Variants in ARSG observed in about 807,000 individuals in gnomAD.
ARSG encodes arylsulfatase G.
ARSG carries 37 observed loss-of-function variants against 50.5 expected under a neutral mutation model. The observed-to-expected ratio is 0.73, with a 90% CI of 0.56 to 0.96. The LOEUF is 0.96. ARSG is among the 50% of genes least tolerant of loss of function. The probability of loss-of-function intolerance (pLI) is 0.00; values close to 1 mark genes in which losing one functional copy is unlikely to be tolerated. For synonymous variants in ARSG, 225 were observed against 254.6 expected, an observed-to-expected ratio of 0.88 and a Z score of 1.11; for missense variants, 629 against 675.3, an observed-to-expected ratio of 0.93 and a Z score of 0.76.
intron 2 of ARSG, among the ~76,000 whole-genome samples, chr17:68,341,602 C>T (rs1370575520): frequency 9.9e-5 from 15 of 152,208 alleles, no homozygotes; most frequent in Admixed American, 9.8e-4. Context: ...CTAGAGCATT[C>T]TTTATCTCCA....
In ARSG at chr17:68,410,654, G is replaced by A. The variant is rs567113998; in HGVS notation, c.1303+9204G>A. ...TGGCCTCAAAAAATAAGTTAGGGAG[G>A]ATTCCCTCTTTTTCTATTGATTGGA... On this transcript the variant is annotated intron_variant, in intron 11 of 11. Coordinates refer to ENST00000621439, the MANE Select transcript of ARSG (RefSeq NM_001267727.2). Among the ~76,000 whole-genome samples, 82 of 152,338 alleles carry A rather than the reference G, an allele frequency of 5.4e-4. 1 individual carries two copies. Among genetic ancestry groups the A allele is most frequent in the Non-Finnish European group, 1.0e-3 (69 of 68,036 alleles).
chr17:68,296,504 A>G (rs1417669208), intron 1 of ARSG, among the ~76,000 whole-genome samples: 1 of 152,140 alleles, frequency 6.6e-6, no homozygotes, highest in African/African-American at 2.4e-5. Flanking sequence ...AGAAACTACA[A>G]GGATGCTGCA....
rs142612995 is a variant in ARSG at position 68,327,732 on chromosome 17, C to T, written c.219-15872C>T. 2.0e-3 allele frequency among the ~76,000 whole-genome samples: 309 copies of T among 152,200 alleles called. 3 individuals are homozygous for T. The highest frequency in any genetic ancestry group is 6.9e-3 in the African/African-American group (288 of 41,510). Reference sequence around the variant, plus strand: ...GACTTCAACATATCTTTTGGGGGGACGCAGCCCAACCCACAGCAAGCAGCC... The same window carrying T: ...GACTTCAACATATCTTTTGGGGGGATGCAGCCCAACCCACAGCAAGCAGCC... On this transcript the variant is annotated intron_variant, in intron 2 of 11. Coordinates refer to ENST00000621439, the MANE Select transcript of ARSG (RefSeq NM_001267727.2).
intron 2 of ARSG, among the ~76,000 whole-genome samples, chr17:68,313,683 CTT>C (rs58911609): frequency 3.1e-5 from 4 of 128,214 alleles, no homozygotes; most frequent in East Asian, 2.2e-4. Context: ...CTCTCTCTCT[CTT>C]TTTTTTTTTT....
the ARSG span, chr17:68,430,111 T>C: frequency 1.9e-6 from 3 of 1,613,974 alleles, no homozygotes; most frequent in African/African-American, 2.7e-5. Context: ...GTAGCAGCCA[T>C]AAACATCTTT....
the ARSG span, among the ~76,000 whole-genome samples, chr17:68,437,948 TAAAA>T: frequency 2.5e-5 from 2 of 78,806 alleles, no homozygotes; most frequent in African/African-American, 4.8e-5. Context: ...ACATCTCTCT[TAAAA>T]AAAAAAAAAA....
chr17:68,352,763 G>A (rs2078858840), intron 5 of ARSG, among the ~76,000 whole-genome samples: 1 of 152,072 alleles, frequency 6.6e-6, no homozygotes, highest in South Asian at 2.1e-4. Context: ...GCCCACTTCG[G>A]CCTCCCAAAG....
intron 1 of ARSG, among the ~76,000 whole-genome samples, chr17:68,292,098 C>A (rs1210394489): frequency 2.0e-5 from 3 of 151,878 alleles, no homozygotes; most frequent in African/African-American, 7.3e-5. Context: ...CCCCAGGGAG[C>A]GAGCGGCCGG....
intron 6 of ARSG, chr17:68,359,932 G>A (rs1217271180): frequency 1.3e-5 from 2 of 152,330 alleles, no homozygotes; most frequent in South Asian, 2.1e-4. Context: ...CCAGCTCCCT[G>A]GAACTTTGGG....
chr17:68,336,021 C>T (rs1251182436), intron 2 of ARSG, among the ~76,000 whole-genome samples: 3 of 152,072 alleles, frequency 2.0e-5, no homozygotes, highest in Non-Finnish European at 2.9e-5. Context: ...GCCTCAGCCT[C>T]CCAAGTAGCT....
At chr17:68,404,854 T>A (rs1176774801) in intron 11 of ARSG, among the ~76,000 whole-genome samples, 3 of 152,232 alleles carry the variant, frequency 2.0e-5, no homozygotes, top group Non-Finnish European at 4.4e-5. Context: ...TCCAGTTAAT[T>A]TTTGTATGTG....
At chr17:68,418,228 G>C (rs1050728135) in intron 11 of ARSG, among the ~76,000 whole-genome samples, 1 of 152,056 alleles carries the variant, frequency 6.6e-6, no homozygotes, top group Non-Finnish European at 1.5e-5. Context: ...TGTTTTCACT[G>C]GCAGCTAATC....
chr17:68,319,296 G>A (rs1406454517), intron 2 of ARSG, among the ~76,000 whole-genome samples: 2 of 152,172 alleles, frequency 1.3e-5, no homozygotes, highest in Non-Finnish European at 2.9e-5. Flanking sequence ...AGCTTTGGGA[G>A]GTCCCATCCT....
At position 68,420,237 on chromosome 17, in the gene ARSG, AG is replaced by A. The variant is rs748235714; in HGVS notation, c.1353del (p.Lys451AsnfsTer4). 9.9e-6 allele frequency: 16 copies of A among 1,614,078 alleles called. No individual in the cohort carries two copies. The highest frequency in any genetic ancestry group is 1.3e-5 in the Non-Finnish European group (15 of 1,180,000). On this transcript the variant is annotated frameshift_variant, in exon 12 of 12. Coordinates refer to ENST00000621439, the MANE Select transcript of ARSG (RefSeq NM_001267727.2). LOFTEE classifies it low-confidence loss of function (END_TRUNC). ...AGCACGGGGCCTGAGCTGCAGCATA[AG>A]TTTCCTCTGATTTTCAACCTGGAAG... The part of the protein sequence containing the change: ...DGSTGPELQH[K>X]FPLIFNLEDD...
At chr17:68,356,073 G>A (rs1311080690) in intron 5 of ARSG, among the ~76,000 whole-genome samples, 1 of 151,994 alleles carries the variant, frequency 6.6e-6, no homozygotes, top group African/African-American at 2.4e-5. Flanking sequence ...GTAGAGACAG[G>A]GTTTCACCCT....
rs910010582 is a variant in ARSG at position 68,359,090 on chromosome 17, G to A, written c.704+2286G>A. ...AGGCAGGAGAATGGCGTGAACCCGG[G>A]AGGTGGAGCTTGCAGTGAGCCGAGA... On this transcript the variant is annotated intron_variant, in intron 6 of 11. Coordinates refer to ENST00000621439, the MANE Select transcript of ARSG (RefSeq NM_001267727.2). Among the ~76,000 whole-genome samples, 7 of 152,072 alleles carry A rather than the reference G, an allele frequency of 4.6e-5. No homozygotes were observed. The East Asian group carries it at 1.4e-3, about 29-fold the overall frequency.
At chr17:68,352,050 GGAGAGAGACAGAGGAGAGAGAGAGA>G (rs1568506264) in intron 5 of ARSG, among the ~76,000 whole-genome samples, 4 of 148,924 alleles carry the variant, frequency 2.7e-5, no homozygotes, top group Admixed American at 6.8e-5. Flanking sequence ...AGAGAGCAGA[GGAGAGAGACAGAGGAGAGAGAGAGA>G]GAGAGAGACA....
intron 2 of ARSG, among the ~76,000 whole-genome samples, chr17:68,334,313 G>C (rs2077916160): frequency 6.6e-6 from 1 of 152,066 alleles, no homozygotes; most frequent in Admixed American, 6.5e-5. Context: ...CCATCTTCTG[G>C]GACTGAGGCC....
intron 11 of ARSG, among the ~76,000 whole-genome samples, chr17:68,414,849 T>C (rs1334724197): frequency 6.6e-6 from 1 of 152,196 alleles, no homozygotes; most frequent in African/African-American, 2.4e-5. Flanking sequence ...TGAATGATCT[T>C]TTGTATTTTT....
Sources: gnomAD v4.1 joint callset for allele counts (sites outside exome capture counted in the v4.1 genomes callset) on GRCh38, gnomAD v4.1.1 for gene constraint, MANE v1.5 for transcripts, NCBI Gene and HGNC (gene_info 2026-07-23, HGNC 2026-07-21) for gene names.